The following GP6 variants were observed in gnomAD, a reference collection of about 807,000 sequenced individuals.
GP6 encodes glycoprotein VI platelet.
A neutral mutation model predicts 37.3 loss-of-function variants in GP6; 45 were observed. The observed-to-expected ratio is 1.21, with a 90% CI of 0.95 to 1.55. The LOEUF is 1.55. Among genes scored for constraint, GP6 ranks in the 40% most tolerant of loss-of-function variants. GP6 has a pLI of 0.00. For missense variants in GP6, 813 were observed against 760.2 expected (o/e 1.07, Z -0.82); for synonymous variants, 340 against 316.4 (o/e 1.07, Z -0.79).
chr19:55,033,758 G>A (rs2074703656), intron 1 of GP6, among the ~76,000 whole-genome samples: 1 of 151,992 alleles, frequency 6.6e-6, no homozygotes. Flanking sequence ...TAATATATGC[G>A]ATAAAACCCC....
chr19:55,019,826 C>G (rs1482493163), intron 5 of GP6, among the ~76,000 whole-genome samples: 1 of 147,140 alleles, frequency 6.8e-6, no homozygotes, highest in Non-Finnish European at 1.5e-5. Context: ...TACAGGCACC[C>G]GCCACCACGC....
At chr19:55,032,426 C>T (rs1431537816) in intron 2 of GP6, 30 bp from the exon 3 acceptor site, 9 of 1,610,686 alleles carry the variant, frequency 5.6e-6, no homozygotes, top group Non-Finnish European at 7.6e-6. Context: ...GGGTCAGCCT[C>T]CCCGCAGACC....
At position 55,015,142 on chromosome 19, in the gene GP6, T is replaced by C. The variant is rs749210453; in HGVS notation, c.803A>G (p.Gln268Arg). ...AGGCATATCCGGACCAGGTTGCCCT[T>C]GGTGTAGTACTGGCGGGCAGGACCT... Residue 268 changes from glutamine (Q) to arginine (R), a missense_variant, in exon 8 of 8, where the codon CAA becomes CGA. Coordinates refer to ENST00000310373, the MANE Select transcript of GP6 (RefSeq NM_001083899.2). 1.3e-6 allele frequency: 2 copies of C among 1,571,240 alleles called. No individual in the cohort carries two copies. Among genetic ancestry groups the C allele is most frequent in the Admixed American group, 1.9e-5 (1 of 53,034 alleles).
intron 6 of GP6, among the ~76,000 whole-genome samples, chr19:55,016,907 A>G (rs193138901): frequency 6.6e-6 from 1 of 151,754 alleles, no homozygotes; most frequent in Non-Finnish European, 1.5e-5. Context: ...AATACAAAAA[A>G]TAGCTGGGCA....
intron 1 of GP6, among the ~76,000 whole-genome samples, chr19:55,036,876 T>TG (rs1250483752): frequency 5.3e-5 from 8 of 152,148 alleles, no homozygotes; most frequent in African/African-American, 1.4e-4. Flanking sequence ...CCAGACCTGG[T>TG]GGCAGATGCC....
chr19:55,018,363 G>T (rs75278698), intron 6 of GP6, among the ~76,000 whole-genome samples: 1 of 152,232 alleles, frequency 6.6e-6, no homozygotes, highest in Non-Finnish European at 1.5e-5. Context: ...GATCACAGCC[G>T]AGTCCAAAGC....
At chr19:55,037,448 C>T (rs970740216) in intron 1 of GP6, among the ~76,000 whole-genome samples, 3 of 151,758 alleles carry the variant, frequency 2.0e-5, no homozygotes, top group Non-Finnish European at 2.9e-5. Context: ...AGCGATTCTC[C>T]TGCCTTAGCC....
At chr19:55,036,441 G>A (rs1005956471) in intron 1 of GP6, among the ~76,000 whole-genome samples, 3 of 152,174 alleles carry the variant, frequency 2.0e-5, no homozygotes, top group Non-Finnish European at 4.4e-5. Context: ...GGCCACACCT[G>A]TAACCCCAAC....
intron 5 of GP6, among the ~76,000 whole-genome samples, chr19:55,022,220 G>A (rs2074112653): frequency 1.3e-5 from 2 of 152,062 alleles, no homozygotes; most frequent in Non-Finnish European, 2.9e-5. Context: ...TGAAATCTTT[G>A]CCCATGCCTG....
At chr19:55,020,607 A>T (rs577893342) in intron 5 of GP6, among the ~76,000 whole-genome samples, 1 of 152,226 alleles carries the variant, frequency 6.6e-6, no homozygotes, top group South Asian at 2.1e-4. Context: ...TATTTGCTTT[A>T]TCCTTTCTAT....
chr19:55,014,742 G>A lies in GP6; in HGVS notation c.1203C>T (p.Val401=). ...GTGCCCTCAGACAGAGAGGCAGACAGACAGACAGACACTGGCCGAACGGCT... is the reference window on the plus strand; with the variant it reads ...GTGCCCTCAGACAGAGAGGCAGACAAACAGACAGACACTGGCCGAACGGCT... The change falls in exon 8 of 8, where the codon GTC becomes GTT. Residue 401 remains valine (V), a synonymous_variant. Coordinates refer to ENST00000310373, the MANE Select transcript of GP6 (RefSeq NM_001083899.2). 6.2e-7 allele frequency: 1 copy of A among 1,613,908 alleles called. No homozygotes were observed. Among genetic ancestry groups the A allele is most frequent in the Non-Finnish European group, 8.5e-7 (1 of 1,179,954 alleles).
chr19:55,034,202 A>G (rs73615814), intron 1 of GP6, among the ~76,000 whole-genome samples: 2,251 of 151,876 alleles, frequency 0.015, 59 homozygotes, highest in African/African-American at 0.051. Context: ...AAATACATGT[A>G]CATAAGCGAT....
intron 6 of GP6, 23 bp downstream of exon 6, chr19:55,018,629 G>C (rs2146725809): frequency 7.2e-7 from 1 of 1,387,766 alleles, no homozygotes; most frequent in Non-Finnish European, 1.0e-6. Flanking sequence ...TTTCTGCTGA[G>C]CATGAAATGC....
chr19:55,027,011 C>T (rs573819016), intron 4 of GP6, among the ~76,000 whole-genome samples: 15 of 142,190 alleles, frequency 1.1e-4, no homozygotes, highest in African/African-American at 4.0e-4. Flanking sequence ...CACTTCCTTC[C>T]CACCTACGGC....
At position 55,038,239 on chromosome 19, in the gene GP6, T is replaced by C. The variant is rs1568659534; in HGVS notation, c.-3A>G. ...AGGGCGGTCGGGGATGGAGACATGG[T>C]TCCTCAGCCCTGTCCTGAGCTCTGT... is the stretch of plus-strand genomic sequence containing the variant. On this transcript the variant is annotated 5_prime_UTR_variant, in exon 1 of 8. Transcript: ENST00000310373. The C allele has an allele frequency of 1.3e-6, 2 of 1,587,306 alleles. No individual in the cohort carries two copies. Among genetic ancestry groups the C allele is most frequent in the South Asian group, 1.1e-5 (1 of 87,140 alleles).
chr19:55,023,213 C>A (rs927181535), intron 5 of GP6, among the ~76,000 whole-genome samples: 6 of 152,132 alleles, frequency 3.9e-5, no homozygotes, highest in African/African-American at 1.4e-4. Flanking sequence ...CATCTACAAC[C>A]ATCTGATCTT....
rs114537951 is a variant in GP6, at chr19:55,028,378, C to G, written c.326-516G>C. Among the ~76,000 whole-genome samples, 551 of 152,278 alleles carry G rather than the reference C, an allele frequency of 3.6e-3. 8 individuals are homozygous for G. Among genetic ancestry groups the G allele is most frequent in the African/African-American group, 0.012 (514 of 41,558 alleles). On this transcript the variant is annotated intron_variant, in intron 3 of 7. Transcript: ENST00000310373. ...AATCCTCAGAGACCTATGGAGTCCT[C>G]ACTCTTAATGTCCCTATTTTATAAA...
intron 5 of GP6, among the ~76,000 whole-genome samples, chr19:55,024,300 G>GCACACACATATGCACACA (rs2074201404): frequency 8.2e-6 from 1 of 121,864 alleles, no homozygotes; most frequent in African/African-American, 3.1e-5. Flanking sequence ...ATGCACGCAT[G>GCACACACATATGCACACA]CACACACATA....
intron 3 of GP6, among the ~76,000 whole-genome samples, chr19:55,031,095 G>A (rs1461546530): frequency 6.6e-6 from 1 of 151,896 alleles, no homozygotes; most frequent in Non-Finnish European, 1.5e-5. Context: ...CAATCCTCCC[G>A]CCTCAGCCTC....
Sources: gnomAD v4.1 joint callset for allele counts (sites outside exome capture counted in the v4.1 genomes callset) on GRCh38, gnomAD v4.1.1 for gene constraint, MANE v1.5 for transcripts, NCBI Gene and HGNC (gene_info 2026-07-23, HGNC 2026-07-21) for gene names.